PTPRC: variants seen among roughly 807,000 people sequenced by gnomAD.
PTPRC encodes the protein receptor-type tyrosine-protein phosphatase C.
A neutral mutation model predicts 155.9 loss-of-function variants in PTPRC; 44 were observed. The observed-to-expected ratio is 0.28, with a 90% confidence interval of 0.22 to 0.36. The LOEUF is 0.36. PTPRC is among the 10% of genes least tolerant of loss of function. The probability of loss-of-function intolerance (pLI) is 1.00; values close to 1 mark genes in which losing one functional copy is unlikely to be tolerated. For synonymous variants in PTPRC, 525 were observed against 533.1 expected (o/e 0.98, Z 0.21); for missense variants, 1,401 against 1,564.6 (o/e 0.90, Z 1.76).
chr1:198,656,033 T>C (rs3767736), intron 2 of PTPRC, among the ~76,000 whole-genome samples: 14,229 of 152,088 alleles, frequency 0.094, 1,325 homozygotes, highest in East Asian at 0.47. Flanking sequence ...AAAGGAGATA[T>C]CACATAATTT....
At chr1:198,731,483 G>C (rs1654384833) in intron 17 of PTPRC, 134 bp from the exon 18 acceptor site, 4 of 691,152 alleles carry the variant, frequency 5.8e-6, no homozygotes, top group Non-Finnish European at 1.0e-5. Context: ...GTATGTGAGT[G>C]AGATTTCTCA....
intron 13 of PTPRC, among the ~76,000 whole-genome samples, chr1:198,717,873 G>A (rs1653671022): frequency 6.6e-6 from 1 of 151,832 alleles, no homozygotes; most frequent in South Asian, 2.1e-4. Flanking sequence ...TAACTCTCAT[G>A]GCTTCATGTA....
In PTPRC at chr1:198,693,049, T is replaced by G. The variant is rs45597731; in HGVS notation, c.100+676T>G. The G allele has an allele frequency of 1.8e-4, 173 of 975,220 alleles. 2 individuals are homozygous for G. The East Asian group carries it at 3.3e-3, about 19-fold the overall frequency. The allele number at this position is 975,220 out of a possible 1,614,324, so 60.4% of individuals were successfully genotyped here. On this transcript the variant is annotated intron_variant, in intron 3 of 32. Transcript: ENST00000442510. ...GAAAATGTATTTTCCTGCATAATCA[T>G]ATGGTTGACAGTATGCATTAAGAAG...
intron 2 of PTPRC, chr1:198,680,026 C>G (rs930788524): frequency 5.5e-5 from 30 of 541,096 alleles, no homozygotes; most frequent in African/African-American, 4.9e-4. Flanking sequence ...GGACCGCTTG[C>G]TGAGGTCCCT....
upstream of PTPRC, chr1:198,638,879 A>G (rs1468050525): frequency 9.7e-6 from 2 of 206,052 alleles, no homozygotes; most frequent in African/African-American, 4.7e-5. Context: ...GTTTAAAAAC[A>G]TCTTCCTTGA....
intron 2 of PTPRC, among the ~76,000 whole-genome samples, chr1:198,658,556 T>G (rs1663735409): frequency 6.6e-6 from 1 of 152,180 alleles, no homozygotes; most frequent in African/African-American, 2.4e-5. Context: ...TTTCTTGTCC[T>G]GAAGTGGTAA....
At chr1:198,664,655 G>C (rs938603982) in intron 2 of PTPRC, among the ~76,000 whole-genome samples, 3 of 152,094 alleles carry the variant, frequency 2.0e-5, no homozygotes, top group African/African-American at 7.2e-5. Context: ...ACCAGGAACT[G>C]CTCTCCTCTT....
intron 11 of PTPRC, among the ~76,000 whole-genome samples, chr1:198,712,437 C>T (rs1653361397): frequency 6.6e-6 from 1 of 152,156 alleles, no homozygotes; most frequent in South Asian, 2.1e-4. Context: ...TGGATGTATA[C>T]ATTTGTTAAA....
intron 2 of PTPRC, among the ~76,000 whole-genome samples, chr1:198,662,479 A>G (rs1326277): frequency 3.5e-4 from 14 of 39,868 alleles, no homozygotes; most frequent in African/African-American, 1.2e-3. Flanking sequence ...TGTGTGTGTG[A>G]GAGTGTGTGT....
At chr1:198,753,289 G>T (rs1271167588) in intron 31 of PTPRC, among the ~76,000 whole-genome samples, 1 of 151,804 alleles carries the variant, frequency 6.6e-6, no homozygotes, top group African/African-American at 2.4e-5. Flanking sequence ...TGAACCAAAG[G>T]CAAAGATTGT....
intron 15 of PTPRC, among the ~76,000 whole-genome samples, chr1:198,727,773 G>C (rs1041473045): frequency 6.6e-6 from 1 of 152,044 alleles, no homozygotes; most frequent in African/African-American, 2.4e-5. Context: ...GGAAAGGGCA[G>C]GATTTCACAT....
At position 198,709,645 on chromosome 1, in the gene PTPRC, T is replaced by C. The variant is rs780025727; in HGVS notation, c.1034-42T>C. The C allele has an allele frequency of 4.2e-6, 6 of 1,441,678 alleles. No homozygotes were observed. The East Asian group carries it at 1.4e-4, about 34-fold the overall frequency. The allele number at this position is 1,441,678 out of a possible 1,614,324, so 89.3% of individuals were successfully genotyped here. On this transcript the variant is annotated intron_variant, in intron 10 of 32. Transcript: ENST00000442510. ...TTAGAAAATAAATGTGTGCGTGAAATATTGCATCGATATATTCATTCGAAA... is the reference window on the plus strand; with the variant it reads ...TTAGAAAATAAATGTGTGCGTGAAACATTGCATCGATATATTCATTCGAAA...
intron 2 of PTPRC, among the ~76,000 whole-genome samples, chr1:198,683,033 TG>T (rs1665427875): frequency 6.6e-6 from 1 of 152,134 alleles, no homozygotes; most frequent in Admixed American, 6.5e-5. Flanking sequence ...TGAACAAGCA[TG>T]GGGGTTTTTA....
At chr1:198,687,617 T>C (rs1353606710) in intron 2 of PTPRC, among the ~76,000 whole-genome samples, 1 of 150,656 alleles carries the variant, frequency 6.6e-6, no homozygotes, top group African/African-American at 2.4e-5. Context: ...GGGGGCGGGG[T>C]GTGGGGAATG....
chr1:198,652,103 G>C lies in PTPRC; in HGVS notation c.73+12762G>C, dbSNP rs188355771. Among the ~76,000 whole-genome samples the C allele has an allele frequency of 2.3e-3, 354 of 151,900 alleles. 2 individuals carry two copies. The highest frequency in any genetic ancestry group is 8.3e-3 in the African/African-American group (343 of 41,486). Reference sequence around the variant, plus strand: ...ATATTTTGCTTAAGTTGAAAAAAGGGCGCATCAGGTGTTTTGGCAGTTTAC... The same window carrying C: ...ATATTTTGCTTAAGTTGAAAAAAGGCCGCATCAGGTGTTTTGGCAGTTTAC... On this transcript the variant is annotated intron_variant, in intron 2 of 32. Coordinates refer to ENST00000442510, the MANE Select transcript of PTPRC (RefSeq NM_002838.5).
chr1:198,726,682 TAG>T (rs10550607), intron 15 of PTPRC, among the ~76,000 whole-genome samples: 6,290 of 152,174 alleles, frequency 0.041, 448 homozygotes, highest in African/African-American at 0.14. Flanking sequence ...GTTTGCTTGA[TAG>T]AGTCATTTCC....
chr1:198,678,332 ATGT>A (rs1177906826), intron 2 of PTPRC, among the ~76,000 whole-genome samples: 1 of 152,204 alleles, frequency 6.6e-6, no homozygotes, highest in East Asian at 1.9e-4. Context: ...GAACTTTTTG[ATGT>A]TGTTCACTCA....
intron 26 of PTPRC, among the ~76,000 whole-genome samples, chr1:198,745,113 C>CAACA (rs1655080127): frequency 6.6e-6 from 1 of 151,782 alleles, no homozygotes; most frequent in African/African-American, 2.4e-5. Flanking sequence ...AACACATAAG[C>CAACA]TGTTAGAGAC....
rs774322480 is a variant in PTPRC, at chr1:198,696,693, A to G, written c.101-19A>G. ...CACATATTTATTTTGTCCTTCTCCC[A>G]TTTTCCATTAATTAACAGGATTGAC... On this transcript the variant is annotated intron_variant, in intron 3 of 32. Coordinates refer to ENST00000442510, the MANE Select transcript of PTPRC (RefSeq NM_002838.5). 1 of 1,603,340 alleles carries G rather than the reference A, an allele frequency of 6.2e-7. No homozygotes were observed. Among genetic ancestry groups the G allele is most frequent in the Admixed American group, 1.7e-5 (1 of 60,000 alleles).
Sources: gnomAD v4.1 joint callset for allele counts (sites outside exome capture counted in the v4.1 genomes callset) on GRCh38, gnomAD v4.1.1 for gene constraint, MANE v1.5 for transcripts, NCBI Gene and HGNC (gene_info 2026-07-23, HGNC 2026-07-21) for gene names.